The following NFIC variants were observed in gnomAD, a reference collection of about 807,000 sequenced individuals.
NFIC encodes nuclear factor 1 C-type.
In NFIC, 12 loss-of-function variants were observed where a neutral mutation model predicts 54.4. The ratio of observed to expected loss-of-function variants is 0.22; its 90% CI spans 0.14 to 0.36. The LOEUF (loss-of-function observed/expected upper bound fraction) is 0.36. Among genes scored for constraint, NFIC ranks in the 10% least tolerant of loss-of-function variants. The pLI is 1.00. For missense variants in NFIC, 575 were observed against 718.2 expected (o/e 0.80, Z 2.28); for synonymous variants, 322 against 319.2 (o/e 1.01, Z -0.09).
At chr19:3,397,217 C>G (rs749501206) in intron 2 of NFIC, among the ~76,000 whole-genome samples, 15 of 152,142 alleles carry the variant, frequency 9.9e-5, no homozygotes, top group Non-Finnish European at 2.1e-4. Context: ...CCTAGAGAGG[C>G]AAAGTCACTG....
chr19:3,418,765 T>G (rs1333367711), intron 2 of NFIC, among the ~76,000 whole-genome samples: 1 of 152,128 alleles, frequency 6.6e-6, no homozygotes, highest in African/African-American at 2.4e-5. Context: ...GGCAGAAGAT[T>G]TGGTTGAAAC....
intron 5 of NFIC, 128 bp from the exon 6 acceptor site, chr19:3,434,955 G>T: frequency 7.8e-7 from 1 of 1,290,072 alleles, no homozygotes. Context: ...CGCGGCTCCC[G>T]CGATGTCTCG....
At chr19:3,374,937 C>T (rs1005566985) in intron 1 of NFIC, among the ~76,000 whole-genome samples, 3 of 152,142 alleles carry the variant, frequency 2.0e-5, no homozygotes, top group African/African-American at 7.2e-5. Flanking sequence ...TGTAACTAGC[C>T]GGGGTCACCA....
intron 2 of NFIC, among the ~76,000 whole-genome samples, chr19:3,418,003 G>A (rs2081893707): frequency 6.6e-6 from 1 of 151,166 alleles, no homozygotes; most frequent in Non-Finnish European, 1.5e-5. Context: ...AGAATATTCT[G>A]TGCTGTCCAA....
intron 2 of NFIC, among the ~76,000 whole-genome samples, chr19:3,399,426 C>T (rs1296501831): frequency 6.6e-6 from 1 of 151,778 alleles, no homozygotes; most frequent in East Asian, 2.0e-4. Context: ...AAAAATAAAA[C>T]TTAGCCAGGC....
intron 3 of NFIC, among the ~76,000 whole-genome samples, chr19:3,430,825 G>A (rs1013307445): frequency 2.0e-5 from 3 of 151,342 alleles, no homozygotes; most frequent in African/African-American, 7.3e-5. Flanking sequence ...CCAGCTACTT[G>A]GGAGGCTGAG....
chr19:3,435,265 C>G, intron 6 of NFIC, 58 bp downstream of exon 6: 1 of 1,471,182 alleles, frequency 6.8e-7, no homozygotes, highest in South Asian at 1.3e-5. Flanking sequence ...GTGGCGGGAA[C>G]TACGTCTTCC....
intron 2 of NFIC, 46 bp from the exon 3 acceptor site, chr19:3,425,060 G>GT: frequency 6.2e-7 from 1 of 1,601,894 alleles, no homozygotes; most frequent in Non-Finnish European, 8.5e-7. Flanking sequence ...TGCTCCTGGG[G>GT]TGGGGTCTCT....
chr19:3,363,238 T>TGTGC (rs1555736626), upstream of NFIC, among the ~76,000 whole-genome samples: 6 of 64,608 alleles, frequency 9.3e-5, no homozygotes, highest in African/African-American at 5.3e-4. Context: ...TGTGTATGTG[T>TGTGC]GTGTATATAT....
rs769583713 is a variant in NFIC at position 3,366,609 on chromosome 19, C to A, written c.-28C>A. 8.1e-6 allele frequency: 12 copies of A among 1,474,530 alleles called. No individual in the cohort carries two copies. Among genetic ancestry groups the A allele is most frequent in the Middle Eastern group, 2.0e-4 (1 of 4,992 alleles). The allele number at this position is 1,474,530 out of a possible 1,614,324, so 91.3% of individuals were successfully genotyped here. A position where few individuals can be genotyped will look rare whatever the true frequency, so the allele number is the denominator to read the frequency against. On this transcript the variant is annotated 5_prime_UTR_variant, in exon 1 of 11. Transcript: ENST00000443272. ...GTAAGTTCAGCGCGCCCGCTCCGGC[C>A]GGCCCTGCGCCTCCCGCCGCGCCCG...
chr19:3,463,912 C>A lies in NFIC; in HGVS notation c.*1143C>A. 5 of 973,554 alleles carry A rather than the reference C, an allele frequency of 5.1e-6. No individual in the cohort carries two copies. The highest frequency in any genetic ancestry group is 6.1e-6 in the Non-Finnish European group (5 of 819,300). The allele number at this position is 973,554 out of a possible 1,614,324, so 60.3% of individuals were successfully genotyped here. A position where few individuals can be genotyped will look rare whatever the true frequency, so the allele number is the denominator to read the frequency against. Reference sequence around the variant, plus strand: ...ATGGCCGCGGGCCTCCTCCCCCTCCCCTCCAGCCTCTCCACCAGCCCCTCC... The same window carrying A: ...ATGGCCGCGGGCCTCCTCCCCCTCCACTCCAGCCTCTCCACCAGCCCCTCC... On this transcript the variant is annotated 3_prime_UTR_variant, in exon 11 of 11. Transcript: ENST00000443272.
chr19:3,441,158 C>G (rs979620220), intron 6 of NFIC, among the ~76,000 whole-genome samples: 1 of 152,188 alleles, frequency 6.6e-6, no homozygotes, highest in Non-Finnish European at 1.5e-5. Context: ...CCCAGACAGC[C>G]CTGCGGAGGT....
In NFIC at chr19:3,463,447, A is replaced by G; in HGVS notation, c.*678A>G. On this transcript the variant is annotated 3_prime_UTR_variant, in exon 11 of 11. Coordinates refer to ENST00000443272, the MANE Select transcript of NFIC (RefSeq NM_001245002.2). ...TGCGTGGCGCTTGCGAGCCCTGGCC[A>G]GGGGAGGAAGTGAGGCCCAGGCACC... 1 of 985,340 alleles carries G rather than the reference A, an allele frequency of 1.0e-6. No homozygotes were observed. Among genetic ancestry groups the G allele is most frequent in the South Asian group, 4.7e-5 (1 of 21,280 alleles). 61.0% of individuals were successfully genotyped at this position (985,340 alleles called of 1,614,324 possible).
intron 2 of NFIC, 78 bp from the exon 3 acceptor site, chr19:3,425,028 C>T (rs2082005927): frequency 2.0e-6 from 3 of 1,488,596 alleles, no homozygotes; most frequent in Non-Finnish European, 2.8e-6. Flanking sequence ...AGGACTGGGG[C>T]CACCAGCATC....
intron 10 of NFIC, among the ~76,000 whole-genome samples, chr19:3,462,494 G>T (rs888291556): frequency 3.7e-4 from 57 of 152,186 alleles, no homozygotes; most frequent in African/African-American, 1.3e-3. Flanking sequence ...TATACTAAAA[G>T]AATTCTGTGT....
chr19:3,387,304 C>T (rs1320931662), intron 2 of NFIC, among the ~76,000 whole-genome samples: 3 of 152,144 alleles, frequency 2.0e-5, no homozygotes, highest in African/African-American at 7.2e-5. Context: ...GAGTTTGAGG[C>T]CAGCCTGGCC....
chr19:3,437,673 G>A (rs568334048), intron 6 of NFIC, among the ~76,000 whole-genome samples: 1 of 146,028 alleles, frequency 6.8e-6, no homozygotes, highest in African/African-American at 2.5e-5. Context: ...CTTCTGTTTC[G>A]TTTTTTTTGT....
upstream of NFIC, among the ~76,000 whole-genome samples, chr19:3,363,289 T>TTTTTTTTTA (rs2080841753): frequency 9.9e-6 from 1 of 101,210 alleles, no homozygotes; most frequent in Admixed American, 1.2e-4. Context: ...TTTTTTTTTT[T>TTTTTTTTTA]GAGATGGAGT....
Position 3,467,758 on chromosome 19 carries a change from C to CATACATATATAT in NFIC, c.*4992_*4993insCATATATATATA, listed in dbSNP as rs1176001849. ...ACCTCCAGTGTAGGGCTATACTATA[C>CATACATATATAT]ATATATATATATATATATATATATA... On this transcript the variant is annotated 3_prime_UTR_variant, in exon 11 of 11. Coordinates refer to ENST00000443272, the MANE Select transcript of NFIC (RefSeq NM_001245002.2). The CATACATATATAT allele has an allele frequency of 2.9e-5, 2 of 69,650 alleles. No individual in the cohort carries two copies. Among genetic ancestry groups the CATACATATATAT allele is most frequent in the East Asian group, 7.7e-4 (1 of 1,306 alleles). 4.3% of individuals were successfully genotyped at this position (69,650 alleles called of 1,614,324 possible). A position where few individuals can be genotyped will look rare whatever the true frequency, so the allele number is the denominator to read the frequency against.
Sources: gnomAD v4.1 joint callset for allele counts (sites outside exome capture counted in the v4.1 genomes callset) on GRCh38, gnomAD v4.1.1 for gene constraint, MANE v1.5 for transcripts, NCBI Gene and HGNC (gene_info 2026-07-23, HGNC 2026-07-21) for gene names.